The following MB21D2 variants were observed in gnomAD, a reference collection of about 807,000 sequenced individuals.
MB21D2 encodes nucleotidyltransferase MB21D2.
MB21D2 carries 9 observed loss-of-function variants against 33.3 expected under a neutral mutation model. The ratio of observed to expected loss-of-function variants is 0.27; its 90% confidence interval spans 0.16 to 0.47. The LOEUF (loss-of-function observed/expected upper bound fraction) is 0.47, where lower values mean the gene tolerates loss of function less well. Among genes scored for constraint, MB21D2 ranks in the 20% least tolerant of loss-of-function variants. The pLI is 0.99. For synonymous variants in MB21D2, 241 were observed against 236.3 expected, an observed-to-expected ratio of 1.02 and a Z score of -0.18; for missense variants, 540 against 624.6, an observed-to-expected ratio of 0.86 and a Z score of 1.44.
intron 1 of MB21D2, among the ~76,000 whole-genome samples, chr3:192,906,577 C>T (rs1184486647): frequency 6.6e-6 from 1 of 152,210 alleles, no homozygotes; most frequent in Non-Finnish European, 1.5e-5. Flanking sequence ...CCATTTCAAA[C>T]GTCTCTGCTT....
intron 1 of MB21D2, among the ~76,000 whole-genome samples, chr3:192,853,391 C>A (rs890909369): frequency 2.6e-5 from 4 of 152,168 alleles, no homozygotes; most frequent in Non-Finnish European, 5.9e-5. Flanking sequence ...TAACTTTTAT[C>A]ACTGGACACC....
intron 1 of MB21D2, among the ~76,000 whole-genome samples, chr3:192,891,398 T>C (rs991106866): frequency 1.3e-5 from 2 of 152,096 alleles, no homozygotes; most frequent in African/African-American, 4.8e-5. Context: ...AAATAATTAA[T>C]GTAACAGAAC....
At chr3:192,854,946 C>T (rs921988224) in intron 1 of MB21D2, among the ~76,000 whole-genome samples, 8 of 152,306 alleles carry the variant, frequency 5.3e-5, no homozygotes, top group Non-Finnish European at 1.2e-4. Flanking sequence ...ACTGACAATG[C>T]ACTTGGTCAC....
intron 1 of MB21D2, among the ~76,000 whole-genome samples, chr3:192,838,736 A>C (rs1473585246): frequency 6.6e-6 from 1 of 152,192 alleles, no homozygotes; most frequent in Non-Finnish European, 1.5e-5. Flanking sequence ...CCTTGTGGAC[A>C]TATTTTAAAC....
intron 1 of MB21D2, among the ~76,000 whole-genome samples, chr3:192,808,495 T>C (rs967693805): frequency 6.6e-6 from 1 of 152,180 alleles, no homozygotes; most frequent in African/African-American, 2.4e-5. Flanking sequence ...GCAGAACATA[T>C]AGAGAGAAGT....
Position 192,828,593 on chromosome 3 carries a change from TATATATATATATATATATATATATATATA to T in MB21D2, c.212-28972_212-28944del, listed in dbSNP as rs1418710876. Among the ~76,000 whole-genome samples the T allele has an allele frequency of 6.2e-3, 85 of 13,700 alleles. 4 individuals carry two copies. The highest frequency in any genetic ancestry group is 0.036 in the East Asian group (8 of 222). The allele number at this position is 13,700 out of a possible 152,430, so 9.0% of individuals were successfully genotyped here. On this transcript the variant is annotated intron_variant, in intron 1 of 1. Coordinates refer to ENST00000392452, the MANE Select transcript of MB21D2 (RefSeq NM_178496.4). ...TATACAATAAAACTCACCCCCCCCATATATATATATATATATATATATATATATATATATATATATATATATATATATAT... is the reference window on the plus strand; with the variant it reads ...TATACAATAAAACTCACCCCCCCCATTATATATATATATATATATATATAT...
chr3:192,854,381 T>C (rs536385048), intron 1 of MB21D2, among the ~76,000 whole-genome samples: 4 of 152,310 alleles, frequency 2.6e-5, no homozygotes, highest in African/African-American at 9.6e-5. Context: ...CTCTCTTCAA[T>C]TCTCTGAGAG....
chr3:192,857,995 C>T (rs997105421), intron 1 of MB21D2, among the ~76,000 whole-genome samples: 15 of 152,062 alleles, frequency 9.9e-5, no homozygotes, highest in Non-Finnish European at 1.0e-4. Flanking sequence ...CATGGTGGTG[C>T]ATGCCTGTAA....
At chr3:192,878,998 T>C (rs930607986) in intron 1 of MB21D2, among the ~76,000 whole-genome samples, 1 of 152,022 alleles carries the variant, frequency 6.6e-6, no homozygotes, top group Non-Finnish European at 1.5e-5. Context: ...AGAATCACCA[T>C]GCCAGCATAA....
In MB21D2 at chr3:192,853,634, G is replaced by A. The variant is rs76343630; in HGVS notation, c.212-53984C>T. On this transcript the variant is annotated intron_variant, in intron 1 of 1. Coordinates refer to ENST00000392452, the MANE Select transcript of MB21D2 (RefSeq NM_178496.4). ...TAAATGTTCCACATACATTTCTGGTGTTTTTGGTGTTTTGTTTTTTTTTTT... is the reference window on the plus strand; with the variant it reads ...TAAATGTTCCACATACATTTCTGGTATTTTTGGTGTTTTGTTTTTTTTTTT... Among the ~76,000 whole-genome samples the A allele has an allele frequency of 1.0e-2, 1,509 of 151,582 alleles. 16 individuals are homozygous for A. The highest frequency in any genetic ancestry group is 0.015 in the Non-Finnish European group (1,044 of 67,848).
intron 1 of MB21D2, among the ~76,000 whole-genome samples, chr3:192,904,937 G>T (rs1714174261): frequency 6.6e-6 from 1 of 152,176 alleles, no homozygotes; most frequent in Non-Finnish European, 1.5e-5. Context: ...TCTCACAACG[G>T]GGTAATGAGC....
At chr3:192,842,869 G>C (rs1169326731) in intron 1 of MB21D2, among the ~76,000 whole-genome samples, 2 of 152,194 alleles carry the variant, frequency 1.3e-5, no homozygotes, top group East Asian at 3.8e-4. Context: ...GGCCATTCTT[G>C]TGGAAATTAT....
At chr3:192,907,084 G>A (rs1257773570) in intron 1 of MB21D2, among the ~76,000 whole-genome samples, 1 of 152,200 alleles carries the variant, frequency 6.6e-6, no homozygotes, top group Non-Finnish European at 1.5e-5. Context: ...GTGAATTCAT[G>A]AAAAGGCACT....
chr3:192,839,605 C>G (rs1427270345), intron 1 of MB21D2, among the ~76,000 whole-genome samples: 1 of 152,110 alleles, frequency 6.6e-6, no homozygotes, highest in African/African-American at 2.4e-5. Flanking sequence ...TCTACATATA[C>G]ATATATGTGT....
At chr3:192,879,993 C>T (rs1713524804) in intron 1 of MB21D2, among the ~76,000 whole-genome samples, 1 of 152,212 alleles carries the variant, frequency 6.6e-6, no homozygotes, top group South Asian at 2.1e-4. Context: ...CAGGACTACT[C>T]CAGCAAGAGA....
At chr3:192,823,124 A>C (rs1560231115) in intron 1 of MB21D2, among the ~76,000 whole-genome samples, 1 of 152,226 alleles carries the variant, frequency 6.6e-6, no homozygotes, top group Non-Finnish European at 1.5e-5. Flanking sequence ...ATACACATCT[A>C]AATTATTTTC....
intron 1 of MB21D2, among the ~76,000 whole-genome samples, chr3:192,824,749 G>C (rs908490870): frequency 2.0e-5 from 3 of 152,154 alleles, no homozygotes; most frequent in Non-Finnish European, 4.4e-5. Context: ...ACCTGTTTGA[G>C]TGTTAACTCT....
At chr3:192,908,631 G>A (rs942077927) in intron 1 of MB21D2, among the ~76,000 whole-genome samples, 5 of 151,738 alleles carry the variant, frequency 3.3e-5, no homozygotes, top group Admixed American at 6.6e-5. Flanking sequence ...TGTTGGCCAG[G>A]ATGGTCTCGA....
chr3:192,810,634 C>T (rs962314911), intron 1 of MB21D2, among the ~76,000 whole-genome samples: 3 of 152,172 alleles, frequency 2.0e-5, no homozygotes, highest in African/African-American at 7.2e-5. Flanking sequence ...ATGTATCCAT[C>T]ACCTAACTTC....
Sources: allele counts gnomAD v4.1 joint callset (sites outside exome capture counted in the v4.1 genomes callset), GRCh38; gene constraint gnomAD v4.1.1; transcripts MANE v1.5; gene names NCBI Gene and HGNC (gene_info 2026-07-23, HGNC 2026-07-21).